The following SMARCB1 variants were observed in gnomAD, a reference collection of about 807,000 sequenced individuals.
The protein encoded by SMARCB1 is SWI/SNF related BAF chromatin remodeling complex subunit B1.
In SMARCB1, 5 loss-of-function variants were observed where a neutral mutation model predicts 49.0. That is an observed-to-expected ratio of 0.10 (90% CI 0.05 to 0.21). The LOEUF is 0.21. Among genes scored for constraint, SMARCB1 ranks in the 10% least tolerant of loss-of-function variants. SMARCB1 has a pLI of 1.00. For synonymous variants in SMARCB1, 201 were observed against 200.1 expected (o/e 1.00, Z -0.04); for missense variants, 226 against 509.2 (o/e 0.44, Z 5.35).
In SMARCB1 at chr22:23,801,424, C is replaced by G. The variant is rs1289823595; in HGVS notation, c.500+343C>G. ...GGTGCAGATGCCATCCACGTGACTC[C>G]CACTGTGCCACCATTTCCCAGAGCC... On this transcript the variant is annotated intron_variant, in intron 4 of 8. Transcript: ENST00000644036. 4 of 602,608 alleles carry G rather than the reference C, an allele frequency of 6.6e-6. No individual in the cohort carries two copies. In the African/African-American group the frequency reaches 7.2e-5, roughly 11 times the overall value. 37.3% of individuals were successfully genotyped at this position (602,608 alleles called of 1,614,324 possible).
chr22:23,803,033 G>A, intron 4 of SMARCB1: 1 of 564,410 alleles, frequency 1.8e-6, no homozygotes, highest in Non-Finnish European at 3.2e-6. Context: ...TTCACAGGAT[G>A]TCTGGGTGTT....
chr22:23,823,659 T>C (rs1230119158), intron 6 of SMARCB1: 1 of 152,096 alleles, frequency 6.6e-6, no homozygotes, highest in African/African-American at 2.4e-5. Context: ...GGTGCCAGCA[T>C]GGTGGCCCGC....
chr22:23,807,543 C>T (rs935891862), intron 5 of SMARCB1, among the ~76,000 whole-genome samples: 2 of 151,658 alleles, frequency 1.3e-5, no homozygotes, highest in South Asian at 4.2e-4. Context: ...CCACTGCACT[C>T]CAGCCTGGGC....
intron 2 of SMARCB1, 139 bp from the exon 3 acceptor site, chr22:23,793,420 G>A: frequency 1.1e-6 from 1 of 870,936 alleles, no homozygotes; most frequent in South Asian, 1.3e-5. Context: ...GAAGAGGCCA[G>A]CATTCAGCAG....
intron 5 of SMARCB1, among the ~76,000 whole-genome samples, chr22:23,806,528 T>C (rs897251206): frequency 4.6e-5 from 7 of 152,238 alleles, no homozygotes; most frequent in Non-Finnish European, 8.8e-5. Flanking sequence ...TTTCAGATCA[T>C]CTTAAAGGTG....
chr22:23,837,908 C>A lies in SMARCB1; in HGVS notation c.*3728C>A. ...AGGCCTCAGCCCAAGCCCAGGGCCC[C>A]TCTGACTTCCCAAGACCCTGGAATT... On this transcript the variant is annotated 3_prime_UTR_variant, in exon 9 of 9. Coordinates refer to ENST00000644036, the MANE Select transcript of SMARCB1 (RefSeq NM_003073.5). 6.5e-7 allele frequency: 1 copy of A among 1,538,464 alleles called. No homozygotes were observed. The highest frequency in any genetic ancestry group is 2.3e-5 in the East Asian group (1 of 43,210).
At chr22:23,819,343 TTC>T (rs1228140062) in intron 6 of SMARCB1, among the ~76,000 whole-genome samples, 1 of 151,822 alleles carries the variant, frequency 6.6e-6, no homozygotes, top group East Asian at 1.9e-4. Context: ...CATTCATTCA[TTC>T]ATTTAGATGG....
rs1303121397 is a variant in SMARCB1 at position 23,834,345 on chromosome 22, A to G, written c.*165A>G. ...GGTGGCCCTTCCCGGCACACATTCCATTTGTTGAGCCCCAGTCCTGCCCCC... is the reference window on the plus strand; with the variant it reads ...GGTGGCCCTTCCCGGCACACATTCCGTTTGTTGAGCCCCAGTCCTGCCCCC... On this transcript the variant is annotated 3_prime_UTR_variant, in exon 9 of 9. Transcript: ENST00000644036. 1 of 764,496 alleles carries G rather than the reference A, an allele frequency of 1.3e-6. No individual in the cohort carries two copies. The highest frequency in any genetic ancestry group is 2.3e-6 in the Non-Finnish European group (1 of 443,260). 47.4% of individuals were successfully genotyped at this position (764,496 alleles called of 1,614,324 possible). A position where few individuals can be genotyped will look rare whatever the true frequency, so the allele number is the denominator to read the frequency against.
intron 2 of SMARCB1, chr22:23,793,347 C>T: frequency 1.5e-6 from 1 of 657,312 alleles, no homozygotes. Context: ...CCAAATCAGT[C>T]CCATTGGAGG....
intron 5 of SMARCB1, among the ~76,000 whole-genome samples, chr22:23,810,350 C>T (rs959448228): frequency 2.0e-5 from 3 of 150,762 alleles, no homozygotes; most frequent in African/African-American, 7.3e-5. Context: ...TATGGTGAAA[C>T]CCCATCTCTA....
chr22:23,787,374 C>CGG (rs1238535744), intron 1 of SMARCB1, 112 bp downstream of exon 1: 4 of 504,728 alleles, frequency 7.9e-6, no homozygotes, highest in Admixed American at 4.6e-5. Flanking sequence ...CGGGCGCGCG[C>CGG]GCGCGCGCTC....
chr22:23,799,049 C>CAAAA (rs765990218), intron 3 of SMARCB1, among the ~76,000 whole-genome samples: 1 of 59,308 alleles, frequency 1.7e-5, no homozygotes, highest in Non-Finnish European at 3.5e-5. Context: ...GACTCCATCT[C>CAAAA]AAAAAAAAAA....
At chr22:23,827,110 T>TG (rs1444179295) in intron 7 of SMARCB1, among the ~76,000 whole-genome samples, 1 of 152,226 alleles carries the variant, frequency 6.6e-6, no homozygotes, top group African/African-American at 2.4e-5. Flanking sequence ...GCAGTCATGT[T>TG]GCGCGCATCA....
intron 5 of SMARCB1, 31 bp downstream of exon 5, chr22:23,803,453 G>A: frequency 6.2e-7 from 1 of 1,613,182 alleles, no homozygotes; most frequent in Non-Finnish European, 8.5e-7. Flanking sequence ...GCTGGGCCTG[G>A]CCCCAACCCC....
At chr22:23,827,572 C>T (rs546048116) in intron 7 of SMARCB1, among the ~76,000 whole-genome samples, 1 of 152,214 alleles carries the variant, frequency 6.6e-6, no homozygotes, top group Non-Finnish European at 1.5e-5. Flanking sequence ...GCCCCCTGCT[C>T]TCTCTTATGC....
chr22:23,807,961 ATTTTTTTT>A (rs374625560), intron 5 of SMARCB1, among the ~76,000 whole-genome samples: 1 of 105,252 alleles, frequency 9.5e-6, no homozygotes. Context: ...CACCCGGCTA[ATTTTTTTT>A]TTTTTTTTTT....
chr22:23,835,763 C>T lies in SMARCB1; in HGVS notation c.*1583C>T. On this transcript the variant is annotated 3_prime_UTR_variant, in exon 9 of 9. Coordinates refer to ENST00000644036, the MANE Select transcript of SMARCB1 (RefSeq NM_003073.5). ...CTCGGCAATGAAAGGGTGAGGCAGC[C>T]CTGTGTCTCCACAACTGGGGGGATG... 1.0e-6 allele frequency: 1 copy of T among 985,480 alleles called. No homozygotes were observed. 61.0% of individuals were successfully genotyped at this position (985,480 alleles called of 1,614,324 possible).
chr22:23,834,514 C>G lies in SMARCB1; in HGVS notation c.*334C>G. ...GGCAACAGGTCATGTTCAATTTCTT[C>G]AACAGGTCATGTTCAATTTCTTCAA... On this transcript the variant is annotated 3_prime_UTR_variant, in exon 9 of 9. Coordinates refer to ENST00000644036, the MANE Select transcript of SMARCB1 (RefSeq NM_003073.5). 1 of 651,324 alleles carries G rather than the reference C, an allele frequency of 1.5e-6. No individual in the cohort carries two copies. The highest frequency in any genetic ancestry group is 1.5e-5 in the South Asian group (1 of 65,232). 40.3% of individuals were successfully genotyped at this position (651,324 alleles called of 1,614,324 possible). A position where few individuals can be genotyped will look rare whatever the true frequency, so the allele number is the denominator to read the frequency against.
intron 5 of SMARCB1, among the ~76,000 whole-genome samples, chr22:23,812,345 C>A (rs1000884876): frequency 2.6e-5 from 4 of 151,994 alleles, no homozygotes; most frequent in East Asian, 3.8e-4. Context: ...TTCTCCCCCC[C>A]AAAAAAATCT....
Sources: allele counts gnomAD v4.1 joint callset (sites outside exome capture counted in the v4.1 genomes callset), GRCh38; gene constraint gnomAD v4.1.1; transcripts MANE v1.5; gene names NCBI Gene and HGNC (gene_info 2026-07-23, HGNC 2026-07-21).